Variants in ZBED6 observed in about 807,000 individuals in gnomAD.
ZBED6 encodes zinc finger BED domain-containing protein 6.
Under a neutral mutation model 58.4 loss-of-function variants are expected in ZBED6, and 40 were observed. That is an observed-to-expected ratio of 0.68 (90% CI 0.53 to 0.89). The LOEUF (loss-of-function observed/expected upper bound fraction) is 0.89, where lower values mean the gene tolerates loss of function less well. Among genes scored for constraint, ZBED6 ranks in the 40% least tolerant of loss-of-function variants. The probability of loss-of-function intolerance (pLI) is 0.00; values close to 1 mark genes in which losing one functional copy is unlikely to be tolerated. For missense variants in ZBED6, 1,057 were observed against 1,003.9 expected (o/e 1.05, Z -0.71); for synonymous variants, 439 against 350.6 (o/e 1.25, Z -2.82).
At chr1:203,822,815 C>G (rs1679223434) in intron 3 of ZBED6, among the ~76,000 whole-genome samples, 1 of 152,150 alleles carries the variant, frequency 6.6e-6, no homozygotes, top group African/African-American at 2.4e-5. Flanking sequence ...CAGTCAGACT[C>G]CAATACCCTG....
chr1:203,819,067 C>CA (rs747588582), intron 3 of ZBED6, among the ~76,000 whole-genome samples: 31 of 97,214 alleles, frequency 3.2e-4, no homozygotes, highest in Admixed American at 5.5e-4. Context: ...CACTCCGTCT[C>CA]AAAAAAAAAA....
chr1:203,852,229 C>G, exon 17 of ZBED6: 1 of 1,613,538 alleles, frequency 6.2e-7, no homozygotes, highest in South Asian at 1.1e-5. Flanking sequence ...CATGAAAACT[C>G]GCCGACTCAG....
intron 10 of ZBED6, among the ~76,000 whole-genome samples, chr1:203,839,691 A>G (rs1358994996): frequency 6.6e-6 from 1 of 152,212 alleles, no homozygotes; most frequent in African/African-American, 2.4e-5. Flanking sequence ...ACTTGGAGGA[A>G]AAATTATTTC....
At chr1:203,804,178 G>C (rs1257968562) in intron 1 of ZBED6, among the ~76,000 whole-genome samples, 2 of 139,210 alleles carry the variant, frequency 1.4e-5, no homozygotes, top group Non-Finnish European at 3.1e-5. Context: ...TTGAGACAGA[G>C]TCTCGCTCTG....
chr1:203,800,628 G>A (rs2102410571), exon 1 of ZBED6: 1 of 594,352 alleles, frequency 1.7e-6, no homozygotes, highest in Non-Finnish European at 2.7e-6. Flanking sequence ...ATAAAATGAA[G>A]ATTAAAGATT....
chr1:203,847,446 G>C (rs778481477), exon 12 of ZBED6: 4 of 1,613,826 alleles, frequency 2.5e-6, no homozygotes, highest in Non-Finnish European at 3.4e-6. Flanking sequence ...TCAAGCTAAA[G>C]ATTGATAGTG....
intron 2 of ZBED6, 129 bp downstream of exon 2, chr1:203,817,253 A>G (rs1676658014): frequency 6.3e-6 from 4 of 636,620 alleles, no homozygotes; most frequent in Admixed American, 7.3e-5. Flanking sequence ...ATTGGCTGTC[A>G]GTTTTTTAAA....
intron 1 of ZBED6, among the ~76,000 whole-genome samples, chr1:203,813,400 A>G (rs901339152): frequency 6.6e-6 from 1 of 151,984 alleles, no homozygotes; most frequent in Admixed American, 6.6e-5. Context: ...TTGAAAACCA[A>G]TTTATTGGTT....
chr1:203,836,152 G>A (rs1047124725), intron 9 of ZBED6, among the ~76,000 whole-genome samples: 3 of 152,202 alleles, frequency 2.0e-5, no homozygotes, highest in Non-Finnish European at 4.4e-5. Flanking sequence ...GGCAGCTGAG[G>A]TTAGAGGATC....
rs1359524193 is a variant in ZBED6 at position 203,840,513 on chromosome 1, G to A, written c.*3741+139G>A. On this transcript the variant is annotated intron_variant, in intron 11 of 16. Coordinates refer to ENST00000550078, the Ensembl canonical transcript of ZBED6. ...AGTTCTGTTTGTTTTTTAAGTAATT[G>A]ATCAAGTCAGCTCAGACTCAACTGG... The A allele has an allele frequency of 5.2e-6, 4 of 771,148 alleles. No individual in the cohort carries two copies. In the African/African-American group the frequency reaches 7.1e-5, roughly 14 times the overall value. 47.8% of individuals were successfully genotyped at this position (771,148 alleles called of 1,614,324 possible).
exon 1 of ZBED6, chr1:203,798,455 A>G: frequency 6.5e-7 from 1 of 1,536,112 alleles, no homozygotes; most frequent in African/African-American, 1.4e-5. Context: ...GACACCTGCA[A>G]GCCACACATC....
chr1:203,834,026 C>G, intron 9 of ZBED6, 173 bp downstream of exon 9: 2 of 1,273,814 alleles, frequency 1.6e-6, no homozygotes, highest in Non-Finnish European at 2.0e-6. Context: ...ATTGAAGATA[C>G]AGAGATTTAA....
In ZBED6 at chr1:203,831,780, T is replaced by A; in HGVS notation, c.*3510+9T>A. On this transcript the variant is annotated intron_variant, in intron 8 of 16. Transcript: ENST00000550078. Reference sequence around the variant, plus strand: ...TCTCTCCACCAAACAAGGTAAGGTATAGATAGGTCTTAGAGTTGTCAAGCC... The same window carrying A: ...TCTCTCCACCAAACAAGGTAAGGTAAAGATAGGTCTTAGAGTTGTCAAGCC... 1.2e-6 allele frequency: 2 copies of A among 1,604,336 alleles called. No homozygotes were observed. The highest frequency in any genetic ancestry group is 1.7e-6 in the Non-Finnish European group (2 of 1,173,344).
At chr1:203,848,078 A>C (rs1025028025) in intron 12 of ZBED6, among the ~76,000 whole-genome samples, 1 of 151,668 alleles carries the variant, frequency 6.6e-6, no homozygotes, top group Admixed American at 6.6e-5. Flanking sequence ...CTGGTCTCAA[A>C]CTCCTCACCT....
chr1:203,798,149 T>C, exon 1 of ZBED6: 7 of 1,536,152 alleles, frequency 4.6e-6, no homozygotes, highest in Non-Finnish European at 4.4e-6. Flanking sequence ...CTCCCTCTTC[T>C]GGAAGCAATG....
chr1:203,797,322 GAA>G lies in ZBED6; in HGVS notation c.-199_-198del. The G allele has an allele frequency of 2.1e-6, 1 of 471,604 alleles. No individual in the cohort carries two copies. The highest frequency in any genetic ancestry group is 3.6e-6 in the Non-Finnish European group (1 of 274,212). The allele number at this position is 471,604 out of a possible 1,614,324, so 29.2% of individuals were successfully genotyped here. On this transcript the variant is annotated 5_prime_UTR_variant, in exon 1 of 17. The change creates a premature stop within an existing upstream ORF in the 5' untranslated region. Transcript: ENST00000550078. ...TGGAAGGGACCTTAAAGCCCTCTAA[GAA>G]AGAGTTCGGGAATGTTCTCCATTGC...
At chr1:203,807,939 A>G (rs1672939792) in intron 1 of ZBED6, among the ~76,000 whole-genome samples, 1 of 151,826 alleles carries the variant, frequency 6.6e-6, no homozygotes, top group Admixed American at 6.6e-5. Flanking sequence ...ACTAGGTCTC[A>G]TTATGTTGCC....
At position 203,852,108 on chromosome 1, in the gene ZBED6, G is replaced by A. The variant is rs375668766; in HGVS notation, c.*4874-33G>A. On this transcript the variant is annotated intron_variant, in intron 16 of 16. Coordinates refer to ENST00000550078, the Ensembl canonical transcript of ZBED6. ...TGATTCAGCCAACTATTTTTAAAAC[G>A]GCAGTTTTCTAATAATCTTTTTTTT... 19 of 1,610,964 alleles carry A rather than the reference G, an allele frequency of 1.2e-5. No homozygotes were observed. The East Asian group carries it at 1.6e-4, about 13-fold the overall frequency.
In ZBED6 at chr1:203,798,033, A is replaced by C; in HGVS notation, c.511A>C (p.Thr171Pro). 2.0e-6 allele frequency: 3 copies of C among 1,534,412 alleles called. No homozygotes were observed. The highest frequency in any genetic ancestry group is 2.6e-6 in the Non-Finnish European group (3 of 1,145,406). Reference sequence around the variant, plus strand: ...ACCAGGTAGCCATCTTGGTACATCTACTCTTCAACGACATCTGCAAGCAAG... The same window carrying C: ...ACCAGGTAGCCATCTTGGTACATCTCCTCTTCAACGACATCTGCAAGCAAG... The change falls in exon 1 of 17, where the codon ACT becomes CCT. Residue 171 changes from threonine to proline, a missense_variant. Thr to Pro is a conservative substitution (Grantham distance 38). Transcript: ENST00000550078.
Sources: allele counts gnomAD v4.1 joint callset (sites outside exome capture counted in the v4.1 genomes callset), GRCh38; gene constraint gnomAD v4.1.1; transcripts MANE v1.5; gene names NCBI Gene and HGNC (gene_info 2026-07-23, HGNC 2026-07-21).